The following DAOA variants were observed in gnomAD, a reference collection of about 807,000 sequenced individuals.
DAOA encodes D-amino acid oxidase regulator.
In DAOA, 15 loss-of-function variants were observed where a neutral mutation model predicts 16.4. That is an observed-to-expected ratio of 0.91 (90% CI 0.61 to 1.41). The LOEUF (loss-of-function observed/expected upper bound fraction) is 1.41. Ranked by LOEUF, DAOA falls within the 40% of genes most tolerant of loss-of-function variation. The pLI is 0.00. For synonymous variants in DAOA, 75 were observed against 59.1 expected (o/e 1.27, Z -1.23); for missense variants, 230 against 176.8 (o/e 1.30, Z -1.71).
chr13:105,479,480 G>A (rs533361634), intron 4 of DAOA, among the ~76,000 whole-genome samples: 1 of 152,178 alleles, frequency 6.6e-6, no homozygotes, highest in Non-Finnish European at 1.5e-5. Flanking sequence ...TTAACACACA[G>A]GCTGGTTCCC....
intron 4 of DAOA, 51 bp downstream of exon 4, chr13:105,472,736 A>G (rs150372458): frequency 6.5e-6 from 10 of 1,547,856 alleles, no homozygotes; most frequent in Middle Eastern, 1.7e-4. Context: ...GCTAAATGCT[A>G]ATGTTGGAAC....
chr13:105,481,766 T>C (rs1465401995), intron 4 of DAOA, among the ~76,000 whole-genome samples: 1 of 152,196 alleles, frequency 6.6e-6, no homozygotes, highest in African/African-American at 2.4e-5. Context: ...TTAAATATGT[T>C]CTAGGCTCTG....
At chr13:105,487,764 G>C (rs576843454) in intron 4 of DAOA, among the ~76,000 whole-genome samples, 1 of 152,160 alleles carries the variant, frequency 6.6e-6, no homozygotes, top group Admixed American at 6.5e-5. Flanking sequence ...GCCTTCTTTT[G>C]TTTGGGCTAA....
chr13:105,479,399 G>A (rs1298522040), intron 4 of DAOA, among the ~76,000 whole-genome samples: 1 of 152,070 alleles, frequency 6.6e-6, no homozygotes, highest in East Asian at 1.9e-4. Flanking sequence ...ATACACTATT[G>A]CAAACTGAGT....
Position 105,489,984 on chromosome 13 carries a change from G to A in DAOA, c.365G>A (p.Arg122His), listed in dbSNP as rs757009026. 6.5e-5 allele frequency: 105 copies of A among 1,613,048 alleles called. No homozygotes were observed. Among genetic ancestry groups the A allele is most frequent in the Non-Finnish European group, 7.9e-5 (93 of 1,179,728 alleles). Residue 122 changes from arginine (R) to histidine (H), a missense_variant, in exon 5 of 6, where the codon CGC becomes CAC. Transcript: ENST00000375936. ...CTTGCCTATGAGGCCTCTAAGGACC[G>A]CAGGCAGCCTCTAGAACGAATGTGG... ...EFLAYEASKD[R>H]RQPLERMWTC... is the part of the protein sequence containing the mutation.
In DAOA at chr13:105,485,281, A is replaced by T. The variant is rs867402352; in HGVS notation, c.282-4620A>T. ...ACAGCTCCACATAAAAATTTCACAG[A>T]CAGATCAAACTTGGCATGTCAAAAA... On this transcript the variant is annotated intron_variant, in intron 4 of 5. Coordinates refer to ENST00000375936, the MANE Select transcript of DAOA (RefSeq NM_172370.5). 2.0e-5 allele frequency among the ~76,000 whole-genome samples: 3 copies of T among 152,266 alleles called. No individual in the cohort carries two copies. The South Asian group carries it at 6.2e-4, about 32-fold the overall frequency.
chr13:105,486,560 C>G (rs1304455763), intron 4 of DAOA, among the ~76,000 whole-genome samples: 4 of 151,666 alleles, frequency 2.6e-5, no homozygotes, highest in Non-Finnish European at 2.9e-5. Context: ...TCTTTGGATG[C>G]AGCATTCATG....
intron 4 of DAOA, among the ~76,000 whole-genome samples, chr13:105,479,029 A>G (rs1392422309): frequency 1.3e-5 from 2 of 152,210 alleles, no homozygotes; most frequent in Non-Finnish European, 2.9e-5. Flanking sequence ...GCACTAACAT[A>G]TACTTAGGTT....
At chr13:105,482,219 C>T (rs1877792848) in intron 4 of DAOA, among the ~76,000 whole-genome samples, 1 of 152,172 alleles carries the variant, frequency 6.6e-6, no homozygotes, top group Non-Finnish European at 1.5e-5. Context: ...GGGACACAGC[C>T]AAACCATATT....
intron 4 of DAOA, among the ~76,000 whole-genome samples, chr13:105,488,626 G>T (rs1026113963): frequency 2.6e-5 from 4 of 152,062 alleles, no homozygotes; most frequent in Non-Finnish European, 4.4e-5. Context: ...GAACAAATTC[G>T]CTTTTGAAGA....
At chr13:105,470,457 C>T (rs1347753292) in intron 3 of DAOA, among the ~76,000 whole-genome samples, 1 of 152,046 alleles carries the variant, frequency 6.6e-6, no homozygotes, top group Non-Finnish European at 1.5e-5. Flanking sequence ...TGCCAAACAA[C>T]ACACTCATTA....
intron 4 of DAOA, chr13:105,475,183 T>C (rs1487278773): frequency 3.6e-6 from 1 of 280,624 alleles, no homozygotes; most frequent in Admixed American, 6.5e-5. Flanking sequence ...ACACTCTCAT[T>C]TAATATATCC....
Position 105,472,566 on chromosome 13 carries a change from G to A in DAOA, c.162G>A (p.Thr54=), listed in dbSNP as rs72549477. 352 of 1,613,776 alleles carry A rather than the reference G, an allele frequency of 2.2e-4. 1 individual carries two copies. Among genetic ancestry groups the A allele is most frequent in the Non-Finnish European group, 2.7e-4 (320 of 1,179,900 alleles). Residue 54 remains threonine, a synonymous_variant, in exon 4 of 6, where the codon ACG becomes ACA. Transcript: ENST00000375936. ...IAKETEEGRE[T]VTRKEGWKRR... is the part of the protein sequence containing the mutation. The stretch of plus-strand genomic sequence containing the variant: ...AGGAGACAGAAGAAGGAAGAGAGAC[G>A]GTAACAAGGAAAGAAGGATGGAAGA...
chr13:105,489,396 C>A (rs1032769365), intron 4 of DAOA, among the ~76,000 whole-genome samples: 1 of 152,154 alleles, frequency 6.6e-6, no homozygotes, highest in African/African-American at 2.4e-5. Flanking sequence ...TCAAAGCATT[C>A]TGTGTTCACA....
chr13:105,478,718 A>AT (rs1207927366), intron 4 of DAOA, among the ~76,000 whole-genome samples: 1 of 152,066 alleles, frequency 6.6e-6, no homozygotes, highest in Non-Finnish European at 1.5e-5. Context: ...ATTAAAAATA[A>AT]TTTTATTTTA....
At chr13:105,488,847 A>G (rs918705178) in intron 4 of DAOA, among the ~76,000 whole-genome samples, 11 of 152,198 alleles carry the variant, frequency 7.2e-5, no homozygotes, top group Admixed American at 2.0e-4. Flanking sequence ...TCTGATGGTA[A>G]TCTCTCAAAC....
intron 2 of DAOA, among the ~76,000 whole-genome samples, chr13:105,466,834 A>C (rs1876553508): frequency 6.6e-6 from 1 of 152,082 alleles, no homozygotes; most frequent in South Asian, 2.1e-4. Flanking sequence ...CTATTTACCA[A>C]CTGTATGACT....
intron 4 of DAOA, among the ~76,000 whole-genome samples, chr13:105,473,422 T>A (rs1374992705): frequency 4.6e-5 from 7 of 152,150 alleles, no homozygotes; most frequent in African/African-American, 9.7e-5. Context: ...GCATTTTTTT[T>A]ACCTTTTTAG....
At chr13:105,483,347 C>A (rs1006334545) in intron 4 of DAOA, among the ~76,000 whole-genome samples, 1 of 152,120 alleles carries the variant, frequency 6.6e-6, no homozygotes, top group South Asian at 2.1e-4. Flanking sequence ...TATGCTTTTA[C>A]TTCCATGGGT....
Sources: gnomAD v4.1 joint callset for allele counts (sites outside exome capture counted in the v4.1 genomes callset) on GRCh38, gnomAD v4.1.1 for gene constraint, MANE v1.5 for transcripts, NCBI Gene and HGNC (gene_info 2026-07-23, HGNC 2026-07-21) for gene names.